Variants in CDC42BPG observed in about 807,000 individuals in gnomAD.
The protein encoded by CDC42BPG is serine/threonine-protein kinase MRCK gamma.
A neutral mutation model predicts 192.2 loss-of-function variants in CDC42BPG; 157 were observed. The observed-to-expected ratio is 0.82, with a 90% CI of 0.72 to 0.93. The LOEUF (loss-of-function observed/expected upper bound fraction) is 0.93, where lower values mean the gene tolerates loss of function less well. Among genes scored for constraint, CDC42BPG ranks in the 40% least tolerant of loss-of-function variants. The pLI is 0.00. For synonymous variants in CDC42BPG, 981 were observed against 918.5 expected (o/e 1.07, Z -1.23); for missense variants, 1,992 against 2,122.1 (o/e 0.94, Z 1.20).
chr11:64,834,212 G>C (rs1942855001), intron 20 of CDC42BPG, 54 bp downstream of exon 20: 18 of 1,509,726 alleles, frequency 1.2e-5, no homozygotes, highest in Non-Finnish European at 1.6e-5. Flanking sequence ...CCCTTGGCAA[G>C]TGGGAGGCCG....
Position 64,826,522 on chromosome 11 carries a change from T to G in CDC42BPG, c.4547A>C (p.Glu1516Ala). The change falls in exon 36 of 37, where the codon GAG becomes GCG. Residue 1516 changes from glutamate to alanine, a missense_variant. Transcript: ENST00000342711. ...KRKPWTSLSS[E>A]SVSCPQGSLS... ...CGATCCCTGGGGGCAGGACACAGAC[T>G]CGCTGGACAGGGATGTCCAGGGTTT... 6.2e-7 allele frequency: 1 copy of G among 1,605,188 alleles called. No individual in the cohort carries two copies. Among genetic ancestry groups the G allele is most frequent in the Non-Finnish European group, 8.5e-7 (1 of 1,176,494 alleles).
In CDC42BPG at chr11:64,844,107, G is replaced by A. The variant is rs546050949; in HGVS notation, c.160+303C>T. 2.6e-5 allele frequency among the ~76,000 whole-genome samples: 4 copies of A among 152,238 alleles called. No homozygotes were observed. In the East Asian group the frequency reaches 7.7e-4, roughly 29 times the overall value. ...GCCTGTAAGCAAGGAAATCTGTAAG[G>A]GACTCTAGGCGGTGCACTGGGTACA... On this transcript the variant is annotated intron_variant, in intron 1 of 36. Coordinates refer to ENST00000342711, the MANE Select transcript of CDC42BPG (RefSeq NM_017525.3).
intron 1 of CDC42BPG, among the ~76,000 whole-genome samples, chr11:64,843,726 A>G (rs1272784988): frequency 6.6e-6 from 1 of 152,210 alleles, no homozygotes; most frequent in Non-Finnish European, 1.5e-5. Flanking sequence ...CAGGAAAGGT[A>G]CAGACCCATC....
intron 3 of CDC42BPG, 127 bp downstream of exon 3, chr11:64,841,523 T>C (rs1592725831): frequency 2.0e-5 from 14 of 711,262 alleles, no homozygotes; most frequent in Middle Eastern, 4.0e-4. Context: ...CAGTGGCTGC[T>C]GAGGGTGGCA....
At chr11:64,831,453 C>T in intron 28 of CDC42BPG, 52 bp downstream of exon 28, 1 of 1,512,550 alleles carries the variant, frequency 6.6e-7, no homozygotes, top group South Asian at 1.2e-5. Context: ...TCCTAGACAC[C>T]AGCACTCCCG....
intron 27 of CDC42BPG, 29 bp from the exon 28 acceptor site, chr11:64,831,750 C>T (rs931273386): frequency 1.2e-5 from 18 of 1,549,230 alleles, no homozygotes; most frequent in South Asian, 2.3e-5. Context: ...GCTGGAGGGC[C>T]GTGGACCAGA....
chr11:64,827,556 C>A lies in CDC42BPG; in HGVS notation c.4121G>T (p.Arg1374Leu). The change falls in exon 32 of 37, where the codon CGC (arginine) becomes CTC (leucine). Residue 1374 changes from arginine to leucine, a missense_variant. By Grantham distance (102) the Arg-to-Leu change is moderately radical (BLOSUM62 -2). Around this residue, in one of 2 missense-constraint regions of CDC42BPG, gnomAD observed 336 missense variants for 277.9 expected, o/e 1.21. Transcript: ENST00000342711. ...CAGCTGGTTCCTGAGGTAGGTCAGGCGGACCTTCTCGGTGCCGTAGAGGAA... is the reference window on the plus strand; with the variant it reads ...CAGCTGGTTCCTGAGGTAGGTCAGGAGGACCTTCTCGGTGCCGTAGAGGAA... ...SLFLYGTEKV[R>L]LTYLRNQLAE... The A allele has an allele frequency of 6.2e-7, 1 of 1,612,626 alleles. No homozygotes were observed. The highest frequency in any genetic ancestry group is 8.5e-7 in the Non-Finnish European group (1 of 1,179,136).
chr11:64,829,383 G>T (rs1942575426), intron 30 of CDC42BPG, 88 bp downstream of exon 30: 1 of 1,519,806 alleles, frequency 6.6e-7, no homozygotes, highest in Non-Finnish European at 8.8e-7. Flanking sequence ...GGCCTCCAAT[G>T]CCAGGCTCAT....
chr11:64,827,233 G>GA, intron 33 of CDC42BPG, 45 bp downstream of exon 33: 1 of 1,613,258 alleles, frequency 6.2e-7, no homozygotes, highest in Non-Finnish European at 8.5e-7. Context: ...TCCACAAGCG[G>GA]AGGCGGCCCC....
chr11:64,835,854 G>T lies in CDC42BPG; in HGVS notation c.1669-3C>A. The stretch of plus-strand genomic sequence containing the variant: ...AGGGAGGACACCTGGGCCTCCAGCT[G>T]TGAGGGGTGCAGAGGCAGGCCACTG... On this transcript the variant is annotated splice_region_variant and splice_polypyrimidine_tract_variant and intron_variant, in intron 13 of 36. Transcript: ENST00000342711. 1 of 1,608,934 alleles carries T rather than the reference G, an allele frequency of 6.2e-7. No individual in the cohort carries two copies. Among genetic ancestry groups the T allele is most frequent in the Non-Finnish European group, 8.5e-7 (1 of 1,178,642 alleles).
intron 17 of CDC42BPG, 30 bp downstream of exon 17, chr11:64,835,017 T>TGGC: frequency 1.1e-5 from 17 of 1,571,850 alleles, no homozygotes; most frequent in African/African-American, 4.0e-5. Flanking sequence ...TCGCCTGCGT[T>TGGC]CCCCACCCCG....
intron 1 of CDC42BPG, 55 bp downstream of exon 1, chr11:64,844,355 G>A (rs1166495022): frequency 4.0e-5 from 53 of 1,326,686 alleles, no homozygotes; most frequent in Non-Finnish European, 4.9e-5. Context: ...GGGTGCGGGG[G>A]TCTCGGCGCG....
At chr11:64,837,165 G>A in intron 9 of CDC42BPG, 146 bp from the exon 10 acceptor site, 1 of 692,466 alleles carries the variant, frequency 1.4e-6, no homozygotes, top group Non-Finnish European at 2.6e-6. Flanking sequence ...GCCACGGGTG[G>A]CAGCCCGGGG....
intron 28 of CDC42BPG, among the ~76,000 whole-genome samples, chr11:64,830,647 G>C (rs1042219237): frequency 6.6e-6 from 1 of 152,164 alleles, no homozygotes; most frequent in Admixed American, 6.5e-5. Context: ...CCAGGGACCC[G>C]CACAACCTCT....
At chr11:64,843,806 G>A (rs1481969638) in intron 1 of CDC42BPG, among the ~76,000 whole-genome samples, 1 of 152,258 alleles carries the variant, frequency 6.6e-6, no homozygotes, top group Non-Finnish European at 1.5e-5. Context: ...GCCTGCACAG[G>A]CCAAGGGTTG....
chr11:64,834,394 G>A (rs776421800), intron 19 of CDC42BPG, 35 bp downstream of exon 19: 21 of 1,559,276 alleles, frequency 1.3e-5, no homozygotes, highest in African/African-American at 5.4e-5. Flanking sequence ...GCCTCTGTGC[G>A]GGCCCTGGCC....
At chr11:64,835,017 T>TTGGC in intron 17 of CDC42BPG, 30 bp downstream of exon 17, 2 of 1,571,936 alleles carry the variant, frequency 1.3e-6, no homozygotes, top group Non-Finnish European at 1.7e-6. Flanking sequence ...TCGCCTGCGT[T>TTGGC]CCCCACCCCG....
rs774235319 is a variant in CDC42BPG, at chr11:64,829,426, A to T, written c.3967+45T>A. The T allele has an allele frequency of 5.7e-6, 9 of 1,589,040 alleles. No homozygotes were observed. The East Asian group carries it at 2.0e-4, about 36-fold the overall frequency. ...GGCGGGACCCTGTCTTCACCCACCC[A>T]CTGAAGGTGCCTGGCCCCCCTGCCA... On this transcript the variant is annotated intron_variant, in intron 30 of 36. Transcript: ENST00000342711.
Position 64,838,701 on chromosome 11 carries a change from T to A in CDC42BPG, c.1078A>T (p.Met360Leu). 6.2e-7 allele frequency: 1 copy of A among 1,613,182 alleles called. No homozygotes were observed. Among genetic ancestry groups the A allele is most frequent in the Non-Finnish European group, 8.5e-7 (1 of 1,180,010 alleles). ...TCCACATCAAAGTTGGAGGTGTCCA[T>A]GGGCCCCCGCAGCTCAGGAATATAG... ...APYIPELRGP[M>L]DTSNFDVDDD... The change falls in exon 8 of 37, where the codon ATG becomes TTG. Residue 360 changes from methionine (M) to leucine (L), a missense_variant. Coordinates refer to ENST00000342711, the MANE Select transcript of CDC42BPG (RefSeq NM_017525.3).
Sources: allele counts gnomAD v4.1 joint callset (sites outside exome capture counted in the v4.1 genomes callset), GRCh38; gene constraint gnomAD v4.1.1; regional missense constraint gnomAD v4.1.1; transcripts MANE v1.5; gene names NCBI Gene and HGNC (gene_info 2026-07-23, HGNC 2026-07-21).